The following RASSF9 variants were observed in gnomAD, a reference collection of about 807,000 sequenced individuals.
RASSF9 encodes Ras association domain family member 9.
A neutral mutation model predicts 21.4 loss-of-function variants in RASSF9; 18 were observed. The observed-to-expected ratio is 0.84, with a 90% confidence interval of 0.58 to 1.25. The LOEUF (loss-of-function observed/expected upper bound fraction) is 1.25. Among genes scored for constraint, RASSF9 ranks in the 50% most tolerant of loss-of-function variants. RASSF9 has a pLI of 0.00. For synonymous variants in RASSF9, 183 were observed against 179.1 expected, an observed-to-expected ratio of 1.02 and a Z score of -0.18; for missense variants, 480 against 503.2, an observed-to-expected ratio of 0.95 and a Z score of 0.44.
At chr12:85,819,718 G>A (rs888403197) in intron 1 of RASSF9, among the ~76,000 whole-genome samples, 1 of 152,134 alleles carries the variant, frequency 6.6e-6, no homozygotes, top group Non-Finnish European at 1.5e-5. Flanking sequence ...AAGTTCCTAA[G>A]CCAATGACTG....
chr12:85,819,482 A>G (rs568568485), intron 1 of RASSF9, among the ~76,000 whole-genome samples: 1 of 152,362 alleles, frequency 6.6e-6, no homozygotes, highest in South Asian at 2.1e-4. Context: ...AAAAAATACC[A>G]ATATTTAATG....
intron 1 of RASSF9, 141 bp downstream of exon 1, chr12:85,836,014 A>G (rs1260832670): frequency 5.3e-6 from 8 of 1,503,414 alleles, no homozygotes; most frequent in Non-Finnish European, 6.2e-6. Flanking sequence ...TTAGGCTAGG[A>G]CTGTGTCCCC....
At position 85,830,030 on chromosome 12, in the gene RASSF9, A is replaced by C. The variant is rs183441327; in HGVS notation, c.47+6125T>G. ...AAACACAGTTTACCCATCCTAAAGA[A>C]ACAAAATTAAAAGGTAGCCACTCAG... is the stretch of plus-strand genomic sequence containing the variant. On this transcript the variant is annotated intron_variant, in intron 1 of 1. Transcript: ENST00000361228. 3.0e-4 allele frequency among the ~76,000 whole-genome samples: 45 copies of C among 152,232 alleles called. 1 individual carries two copies. The East Asian group carries it at 8.1e-3, about 27-fold the overall frequency.
At chr12:85,824,089 A>C (rs1168454817) in intron 1 of RASSF9, among the ~76,000 whole-genome samples, 1 of 152,158 alleles carries the variant, frequency 6.6e-6, no homozygotes, top group Non-Finnish European at 1.5e-5. Flanking sequence ...CTTGAGCTCT[A>C]GACCTATATT....
intron 1 of RASSF9, among the ~76,000 whole-genome samples, chr12:85,835,530 C>A (rs943982092): frequency 1.3e-5 from 2 of 151,982 alleles, no homozygotes; most frequent in Admixed American, 6.6e-5. Flanking sequence ...TGCTTGAATC[C>A]TTCTTTAGTG....
intron 1 of RASSF9, among the ~76,000 whole-genome samples, chr12:85,816,271 T>C (rs1046516921): frequency 6.6e-6 from 1 of 150,732 alleles, no homozygotes; most frequent in African/African-American, 2.4e-5. Flanking sequence ...AGTTTACCTA[T>C]GTAACAAACC....
At chr12:85,810,321 A>G (rs1879924433) in intron 1 of RASSF9, among the ~76,000 whole-genome samples, 1 of 151,944 alleles carries the variant, frequency 6.6e-6, no homozygotes, top group Admixed American at 6.6e-5. Flanking sequence ...ATTTACAAGA[A>G]AATGTTTCTC....
At position 85,805,477 on chromosome 12, in the gene RASSF9, T is replaced by G. The variant is rs1330324747; in HGVS notation, c.533A>C (p.His178Pro). The change falls in exon 2 of 2, where the codon CAT becomes CCT. Residue 178 changes from histidine (H) to proline (P), a missense_variant. Coordinates refer to ENST00000361228, the MANE Select transcript of RASSF9 (RefSeq NM_005447.4). ...TAATGTCTCCATATTATCTCGATCATGAGAAACTGTGTCCTGCTTAATTTT... is the reference window on the plus strand; with the variant it reads ...TAATGTCTCCATATTATCTCGATCAGGAGAAACTGTGTCCTGCTTAATTTT... ...LAKIKQDTVS[H>P]DRDNMETLVH... The G allele has an allele frequency of 6.2e-7, 1 of 1,613,990 alleles. No homozygotes were observed. The highest frequency in any genetic ancestry group is 1.7e-5 in the Admixed American group (1 of 60,028).
chr12:85,831,763 CAG>C (rs1488554078), intron 1 of RASSF9, among the ~76,000 whole-genome samples: 1 of 151,916 alleles, frequency 6.6e-6, no homozygotes, highest in African/African-American at 2.4e-5. Flanking sequence ...CTTCTAATAA[CAG>C]AGAGAAGACA....
At chr12:85,807,821 C>T (rs1469898851) in intron 1 of RASSF9, among the ~76,000 whole-genome samples, 1 of 152,088 alleles carries the variant, frequency 6.6e-6, no homozygotes, top group African/African-American at 2.4e-5. Flanking sequence ...CCTATTGGAA[C>T]ATTTTTAAGA....
In RASSF9 at chr12:85,830,360, T is replaced by C. The variant is rs78960221; in HGVS notation, c.47+5795A>G. The stretch of plus-strand genomic sequence containing the variant: ...GCCTAGGAGCAAGGAAGATGAGAGG[T>C]CAACCTTGCATTTATGGATTCATTC... On this transcript the variant is annotated intron_variant, in intron 1 of 1. Coordinates refer to ENST00000361228, the MANE Select transcript of RASSF9 (RefSeq NM_005447.4). Among the ~76,000 whole-genome samples, 11 of 152,174 alleles carry C rather than the reference T, an allele frequency of 7.2e-5. No homozygotes were observed. The East Asian group carries it at 1.5e-3, about 21-fold the overall frequency.
intron 1 of RASSF9, among the ~76,000 whole-genome samples, chr12:85,811,055 T>G (rs1161942920): frequency 6.6e-6 from 1 of 151,946 alleles, no homozygotes; most frequent in Non-Finnish European, 1.5e-5. Flanking sequence ...ATGAACTGAT[T>G]ATGTGTCAAT....
intron 1 of RASSF9, among the ~76,000 whole-genome samples, chr12:85,823,926 G>A (rs973162856): frequency 6.6e-6 from 1 of 152,176 alleles, no homozygotes; most frequent in African/African-American, 2.4e-5. Flanking sequence ...TTATTGTGCA[G>A]TAAGTGGTAA....
At chr12:85,829,253 G>T (rs1357253477) in intron 1 of RASSF9, among the ~76,000 whole-genome samples, 1 of 152,072 alleles carries the variant, frequency 6.6e-6, no homozygotes, top group East Asian at 1.9e-4. Flanking sequence ...CATAATTAAT[G>T]AGCCTGAAAA....
At chr12:85,822,884 GA>G (rs768049697) in intron 1 of RASSF9, among the ~76,000 whole-genome samples, 3 of 151,988 alleles carry the variant, frequency 2.0e-5, no homozygotes, top group Non-Finnish European at 4.4e-5. Flanking sequence ...TCACTTTCCA[GA>G]AACTCCTCAG....
chr12:85,833,275 T>A (rs1437272279), intron 1 of RASSF9, among the ~76,000 whole-genome samples: 2 of 151,874 alleles, frequency 1.3e-5, no homozygotes, highest in Admixed American at 1.3e-4. Flanking sequence ...AATTAGTATA[T>A]TTATGGTTTG....
At chr12:85,820,399 G>T in intron 1 of RASSF9, among the ~76,000 whole-genome samples, 1 of 152,090 alleles carries the variant, frequency 6.6e-6, no homozygotes, top group East Asian at 1.9e-4. Context: ...CTTCACTTTA[G>T]GAATTCTGAG....
chr12:85,811,608 A>C (rs544718868), intron 1 of RASSF9, among the ~76,000 whole-genome samples: 2 of 151,842 alleles, frequency 1.3e-5, no homozygotes, highest in Non-Finnish European at 2.9e-5. Context: ...TTTTAGGTTA[A>C]CTTGATAACT....
intron 1 of RASSF9, among the ~76,000 whole-genome samples, chr12:85,833,815 T>G (rs191274899): frequency 4.0e-4 from 61 of 152,148 alleles, no homozygotes; most frequent in African/African-American, 1.5e-3. Flanking sequence ...ACAATAAATT[T>G]TATATGTCTG....
Sources: allele counts gnomAD v4.1 joint callset (sites outside exome capture counted in the v4.1 genomes callset), GRCh38; gene constraint gnomAD v4.1.1; transcripts MANE v1.5; gene names NCBI Gene and HGNC (gene_info 2026-07-23, HGNC 2026-07-21).